RNF214: variants seen among roughly 807,000 people sequenced by gnomAD.
RNF214 encodes ring finger protein 214.
A neutral mutation model predicts 75.9 loss-of-function variants in RNF214; 25 were observed. The observed-to-expected ratio is 0.33, with a 90% confidence interval of 0.24 to 0.46. RNF214 has a LOEUF of 0.46. Ranked by LOEUF, RNF214 falls within the 20% of genes least tolerant of loss-of-function variation. The pLI, the probability that RNF214 is intolerant of heterozygous loss-of-function variation, is 1.00. For missense variants in RNF214, 725 were observed against 857.5 expected, an observed-to-expected ratio of 0.85 and a Z score of 1.93; for synonymous variants, 314 against 308.8, an observed-to-expected ratio of 1.02 and a Z score of -0.18.
chr11:117,275,842 A>C (rs2034006519), intron 6 of RNF214, among the ~76,000 whole-genome samples: 1 of 152,226 alleles, frequency 6.6e-6, no homozygotes, highest in South Asian at 2.1e-4. Flanking sequence ...TACTGGAACT[A>C]TTCCAGAAGA....
At chr11:117,257,890 A>G (rs540503392) in intron 6 of RNF214, among the ~76,000 whole-genome samples, 5 of 152,282 alleles carry the variant, frequency 3.3e-5, no homozygotes, top group South Asian at 4.1e-4. Context: ...TTTTTAGGCA[A>G]AGGAATTAAA....
intron 7 of RNF214, 55 bp from the exon 8 acceptor site, chr11:117,280,116 G>A: frequency 2.0e-6 from 3 of 1,510,312 alleles, no homozygotes; most frequent in Middle Eastern, 1.7e-4. Context: ...CTACCTAGAG[G>A]TACCTTTGTG....
chr11:117,269,598 A>G (rs1045918033), intron 6 of RNF214, among the ~76,000 whole-genome samples: 2 of 152,166 alleles, frequency 1.3e-5, no homozygotes, highest in African/African-American at 2.4e-5. Flanking sequence ...CCTGAGCTCA[A>G]GCAATCCACC....
chr11:117,278,661 A>C (rs2134417869), intron 6 of RNF214, among the ~76,000 whole-genome samples: 1 of 152,330 alleles, frequency 6.6e-6, no homozygotes, highest in East Asian at 1.9e-4. Context: ...ACCAAAGAAA[A>C]TGAGAAGTCC....
intron 6 of RNF214, among the ~76,000 whole-genome samples, chr11:117,278,767 G>A (rs2034067206): frequency 6.6e-6 from 1 of 152,200 alleles, no homozygotes; most frequent in African/African-American, 2.4e-5. Context: ...GTGCTTAGTA[G>A]CGAATTAGTG....
intron 2 of RNF214, among the ~76,000 whole-genome samples, chr11:117,236,279 T>C (rs767111877): frequency 1.3e-5 from 2 of 149,744 alleles, no homozygotes; most frequent in Non-Finnish European, 3.0e-5. Context: ...TTTTTTGTTT[T>C]TTTTTTGTTC....
rs1217941909 is a variant in RNF214 at position 117,282,267 on chromosome 11, A to G, written c.1709A>G (p.Asn570Ser). 5.7e-6 allele frequency: 9 copies of G among 1,589,020 alleles called. No homozygotes were observed. Among genetic ancestry groups the G allele is most frequent in the East Asian group, 2.2e-5 (1 of 44,628 alleles). The change falls in exon 11 of 15, where the codon AAT (asparagine) becomes AGT (serine). Residue 570 changes from asparagine to serine, a missense_variant. Physicochemically the swap from Asn to Ser is conservative, Grantham distance 46. This residue lies in a region of RNF214 where 363 missense variants were observed against 513.0 expected (regional missense o/e 0.71). Transcript: ENST00000300650. Reference sequence around the variant, plus strand: ...CTGCTGACCCGGTTCCCACAGTGCAATAAGTAAGTACCTTCAAGGACTGAT... The same window carrying G: ...CTGCTGACCCGGTTCCCACAGTGCAGTAAGTAAGTACCTTCAAGGACTGAT... The part of the protein sequence containing the change: ...EKLLTRFPQC[N>S]KAQMTNILQQ...
chr11:117,256,572 T>C (rs1175081642), intron 6 of RNF214, among the ~76,000 whole-genome samples: 1 of 152,182 alleles, frequency 6.6e-6, no homozygotes, highest in African/African-American at 2.4e-5. Flanking sequence ...ACTCTTGCCA[T>C]ATAGTCTCGG....
At chr11:117,245,373 T>A (rs1160370329) in intron 5 of RNF214, among the ~76,000 whole-genome samples, 1 of 149,398 alleles carries the variant, frequency 6.7e-6, no homozygotes, top group African/African-American at 2.5e-5. Flanking sequence ...GGAGTCTCGC[T>A]CTGTCACCCA....
Position 117,285,307 on chromosome 11 carries a change from A to T in RNF214, c.*156A>T. On this transcript the variant is annotated 3_prime_UTR_variant, in exon 15 of 15. Transcript: ENST00000300650. ...GTGTGTATAGAAAGTCTGTATTCCA[A>T]TGTTCGTAAATGAAACTATGTATAT... The T allele has an allele frequency of 1.8e-6, 1 of 550,368 alleles. No homozygotes were observed. The highest frequency in any genetic ancestry group is 3.2e-6 in the Non-Finnish European group (1 of 309,106). 34.1% of individuals were successfully genotyped at this position (550,368 alleles called of 1,614,324 possible).
rs767103392 is a variant in RNF214 at position 117,238,583 on chromosome 11, A to G, written c.108-18A>G. The G allele has an allele frequency of 6.3e-7, 1 of 1,585,606 alleles. No individual in the cohort carries two copies. Among genetic ancestry groups the G allele is most frequent in the Non-Finnish European group, 8.6e-7 (1 of 1,167,350 alleles). ...GAAAGTATTATATACTTTTCTTTTT[A>G]TCTTGTGTGTTTGATAGCACCAAAG... On this transcript the variant is annotated intron_variant, in intron 2 of 14. Transcript: ENST00000300650.
intron 6 of RNF214, among the ~76,000 whole-genome samples, chr11:117,279,243 C>T (rs1437078219): frequency 1.3e-5 from 2 of 151,762 alleles, no homozygotes; most frequent in Non-Finnish European, 2.9e-5. Flanking sequence ...AATGTTCTGC[C>T]TTCAATGGAG....
intron 4 of RNF214, among the ~76,000 whole-genome samples, chr11:117,240,384 TAAAAAA>T (rs372718608): frequency 6.5e-5 from 4 of 61,722 alleles, no homozygotes; most frequent in African/African-American, 3.1e-4. Context: ...CAAAAAAAAT[TAAAAAA>T]AAAAAAAAAA....
chr11:117,239,148 G>A, intron 3 of RNF214, 37 bp downstream of exon 3: 3 of 1,546,566 alleles, frequency 1.9e-6, no homozygotes, highest in Non-Finnish European at 2.6e-6. Flanking sequence ...AATGTAATTG[G>A]GGGGTGGTGG....
At chr11:117,248,006 TC>T (rs1411449555) in intron 6 of RNF214, among the ~76,000 whole-genome samples, 1 of 152,246 alleles carries the variant, frequency 6.6e-6, no homozygotes, top group East Asian at 1.9e-4. Flanking sequence ...AGGATTTGTG[TC>T]CTTTTCTGGG....
chr11:117,257,567 C>T (rs2033554041), intron 6 of RNF214, among the ~76,000 whole-genome samples: 1 of 152,160 alleles, frequency 6.6e-6, no homozygotes, highest in Non-Finnish European at 1.5e-5. Flanking sequence ...AAGAGATGCT[C>T]TGTCTTGATT....
rs2032999559 is a variant in RNF214 at position 117,239,103 on chromosome 11, G to T, written c.610G>T (p.Ala204Ser). The T allele has an allele frequency of 1.4e-5, 22 of 1,608,762 alleles. No homozygotes were observed. The East Asian group carries it at 4.7e-4, about 34-fold the overall frequency. ...SSSLKLSQNI[A>S]VQTDFKTADS... ...TTCCCTGAAGCTTTCTCAGAACATTGCTGTACAGGTCAAGTGTCAAGTTTC... is the reference window on the plus strand; with the variant it reads ...TTCCCTGAAGCTTTCTCAGAACATTTCTGTACAGGTCAAGTGTCAAGTTTC... The change falls in exon 3 of 15, where the codon GCT becomes TCT. Residue 204 changes from alanine to serine, a missense_variant. Around this residue, in one of 2 missense-constraint regions of RNF214, gnomAD observed 362 missense variants for 344.5 expected, o/e 1.05. Coordinates refer to ENST00000300650, the MANE Select transcript of RNF214 (RefSeq NM_207343.4).
At chr11:117,282,344 A>C in intron 11 of RNF214, 60 bp from the exon 12 acceptor site, 1 of 1,598,248 alleles carries the variant, frequency 6.3e-7, no homozygotes, top group Non-Finnish European at 8.5e-7. Context: ...AGGAGGTTAC[A>C]TGGGTGTTCC....
intron 6 of RNF214, among the ~76,000 whole-genome samples, chr11:117,251,188 C>T (rs1170431700): frequency 6.9e-6 from 1 of 144,540 alleles, no homozygotes; most frequent in Non-Finnish European, 1.5e-5. Flanking sequence ...CCAGTAGGGG[C>T]GGCCGGGCAG....
Sources: gnomAD v4.1 joint callset for allele counts (sites outside exome capture counted in the v4.1 genomes callset) on GRCh38, gnomAD v4.1.1 for gene constraint, gnomAD v4.1.1 regional missense constraint, MANE v1.5 for transcripts, NCBI Gene and HGNC (gene_info 2026-07-23, HGNC 2026-07-21) for gene names.